The following ADGRB1 variants were observed in gnomAD, a reference collection of about 807,000 sequenced individuals.
The protein encoded by ADGRB1 is brain-specific angiogenesis inhibitor 1.
A neutral mutation model predicts 175.7 loss-of-function variants in ADGRB1; 36 were observed. The ratio of observed to expected loss-of-function variants is 0.20; its 90% CI spans 0.16 to 0.27. The LOEUF (loss-of-function observed/expected upper bound fraction) is 0.27. ADGRB1 is among the 10% of genes least tolerant of loss of function. The pLI is 1.00. For synonymous variants in ADGRB1, 1,054 were observed against 979.4 expected (o/e 1.08, Z -1.42); for missense variants, 1,731 against 2,255.3 (o/e 0.77, Z 4.71).
At chr8:142,486,532 G>A (rs940919709) in intron 13 of ADGRB1, among the ~76,000 whole-genome samples, 2 of 152,206 alleles carry the variant, frequency 1.3e-5, no homozygotes, top group African/African-American at 2.4e-5. Flanking sequence ...GACACAGTCC[G>A]AGGATATTTA....
At chr8:142,534,567 CAAG>C (rs991710126) in intron 25 of ADGRB1, among the ~76,000 whole-genome samples, 14 of 152,214 alleles carry the variant, frequency 9.2e-5, no homozygotes, top group African/African-American at 3.4e-4. Flanking sequence ...CGAGGAAAGA[CAAG>C]AGGAGGAAGA....
intron 22 of ADGRB1, among the ~76,000 whole-genome samples, chr8:142,523,254 CG>C (rs1563738877): frequency 6.6e-6 from 1 of 151,772 alleles, no homozygotes; most frequent in African/African-American, 2.4e-5. Flanking sequence ...TATGGTTCAC[CG>C]GGTAGGGAGA....
Position 142,520,884 on chromosome 8 carries a change from A to G in ADGRB1, c.2983A>G (p.Asn995Asp). Residue 995 changes from asparagine to aspartate, a missense_variant, in exon 20 of 31, where the codon AAT becomes GAT. Transcript: ENST00000517894. Reference sequence around the variant, plus strand: ...CTTCTGCCTGTCCATCATCTCCTCCAATGCCCTCATCCTCATCGGGCAGAC... The same window carrying G: ...CTTCTGCCTGTCCATCATCTCCTCCGATGCCCTCATCCTCATCGGGCAGAC... ...INFCLSIISSNALILIGQTQT... is the reference protein window; with the variant it reads ...INFCLSIISSDALILIGQTQT... 1.2e-6 allele frequency: 2 copies of G among 1,613,686 alleles called. No individual in the cohort carries two copies. Among genetic ancestry groups the G allele is most frequent in the Non-Finnish European group, 1.7e-6 (2 of 1,179,712 alleles).
At chr8:142,471,271 T>A (rs1587277091) in intron 2 of ADGRB1, among the ~76,000 whole-genome samples, 1 of 152,150 alleles carries the variant, frequency 6.6e-6, no homozygotes, top group East Asian at 1.9e-4. Context: ...GCCCTTCACC[T>A]CCTCCGCTCA....
intron 30 of ADGRB1, 127 bp from the exon 31 acceptor site, chr8:142,544,093 C>T (rs1483094153): frequency 2.0e-6 from 2 of 1,005,590 alleles, no homozygotes; most frequent in African/African-American, 1.6e-5. Flanking sequence ...CATCCTGTCC[C>T]CTGTCCCCTG....
rs965313930 is a variant in ADGRB1, at chr8:142,543,023, T to G, written c.4413+376T>G. On this transcript the variant is annotated intron_variant, in intron 28 of 30. Coordinates refer to ENST00000517894, the MANE Select transcript of ADGRB1 (RefSeq NM_001702.3). This position sits in a 1 kb window ranked among gnomAD's most constrained non-coding sequence, Gnocchi z 4.4. ...CAGTCAGCCTGTAGGATGTTGTTTT[T>G]GGGGGAGCCCGTCCCCACAGGATAT... is the stretch of plus-strand genomic sequence containing the variant. Among the ~76,000 whole-genome samples, 6 of 152,296 alleles carry G rather than the reference T, an allele frequency of 3.9e-5. No individual in the cohort carries two copies. Among genetic ancestry groups the G allele is most frequent in the Admixed American group, 2.0e-4 (3 of 15,310 alleles).
intron 1 of ADGRB1, among the ~76,000 whole-genome samples, chr8:142,452,930 C>G (rs534878084): frequency 6.8e-6 from 1 of 147,734 alleles, no homozygotes. Flanking sequence ...GGCGCCCGCA[C>G]CGCGCCCGCG....
At chr8:142,523,270 G>A (rs146506867) in intron 22 of ADGRB1, among the ~76,000 whole-genome samples, 2 of 152,300 alleles carry the variant, frequency 1.3e-5, no homozygotes, top group South Asian at 2.1e-4. Flanking sequence ...GGGAGAAAGG[G>A]TCTGGGGCTC....
intron 4 of ADGRB1, among the ~76,000 whole-genome samples, 166 bp downstream of exon 4, chr8:142,476,861 G>A (rs761901026): frequency 3.1e-4 from 47 of 152,208 alleles, no homozygotes; most frequent in Non-Finnish European, 5.6e-4. Context: ...AGGGGAACTG[G>A]TGTGAGGTGA....
rs72689051 is a variant in ADGRB1 at position 142,515,938 on chromosome 8, G to A, written c.2818-2200G>A. On this transcript the variant is annotated intron_variant, in intron 18 of 30. Coordinates refer to ENST00000517894, the MANE Select transcript of ADGRB1 (RefSeq NM_001702.3). ...AGCGTAGTTTGGACAACAGAGGTGA[G>A]CAGCGCTACCTGGGGTAGTTCGAGG... Among the ~76,000 whole-genome samples, 1,254 of 152,330 alleles carry A rather than the reference G, an allele frequency of 8.2e-3. 4 individuals carry two copies. The highest frequency in any genetic ancestry group is 0.012 in the Non-Finnish European group (831 of 68,030).
intron 1 of ADGRB1, among the ~76,000 whole-genome samples, chr8:142,462,013 G>C (rs1839995973): frequency 6.6e-6 from 1 of 152,114 alleles, no homozygotes; most frequent in South Asian, 2.1e-4. Flanking sequence ...GAGATGGTGA[G>C]GGGGCGCCCA....
At chr8:142,513,137 C>T (rs1843196038) in intron 18 of ADGRB1, among the ~76,000 whole-genome samples, 1 of 152,206 alleles carries the variant, frequency 6.6e-6, no homozygotes, top group Admixed American at 6.5e-5. Context: ...CCATCCCAGA[C>T]AGGACATTTG....
At chr8:142,513,416 C>G (rs142614933) in intron 18 of ADGRB1, among the ~76,000 whole-genome samples, 2 of 152,210 alleles carry the variant, frequency 1.3e-5, no homozygotes, top group African/African-American at 2.4e-5. Context: ...CCTGTCCTTT[C>G]CACACCACCT....
chr8:142,488,148 C>T (rs112018655), intron 13 of ADGRB1, among the ~76,000 whole-genome samples: 4 of 152,338 alleles, frequency 2.6e-5, no homozygotes, highest in African/African-American at 9.6e-5. Context: ...CAGCCTCTGC[C>T]TGGTGCTCCT....
chr8:142,532,913 C>T (rs776799755), intron 24 of ADGRB1, among the ~76,000 whole-genome samples: 2 of 152,150 alleles, frequency 1.3e-5, no homozygotes, highest in Non-Finnish European at 2.9e-5. Flanking sequence ...GCCCTTCCCC[C>T]TTGCCCAGCT....
At chr8:142,521,317 C>T (rs1843834738) in intron 20 of ADGRB1, among the ~76,000 whole-genome samples, 2 of 152,122 alleles carry the variant, frequency 1.3e-5, no homozygotes, top group South Asian at 2.1e-4. Context: ...CTCACCCCTA[C>T]GCTCGCCAGC....
rs768762387 is a variant in ADGRB1, at chr8:142,464,606, G to A, written c.408G>A (p.Leu136=). ...LCDPSAPLAF[L]QASKQFLQMR... Reference sequence around the variant, plus strand: ...ACCCCTCCGCACCCCTGGCCTTCCTGCAGGCCAGCAAGCAGTTCCTGCAGA... The same window carrying A: ...ACCCCTCCGCACCCCTGGCCTTCCTACAGGCCAGCAAGCAGTTCCTGCAGA... The change falls in exon 2 of 31, where the codon CTG becomes CTA. Residue 136 remains leucine (L), a synonymous_variant. Transcript: ENST00000517894. 4 of 1,524,442 alleles carry A rather than the reference G, an allele frequency of 2.6e-6. No homozygotes were observed. The highest frequency in any genetic ancestry group is 1.7e-4 in the Middle Eastern group (1 of 5,952). 94.4% of individuals were successfully genotyped at this position (1,524,442 alleles called of 1,614,324 possible). A position where few individuals can be genotyped will look rare whatever the true frequency, so the allele number is the denominator to read the frequency against.
rs746416923 is a variant in ADGRB1 at position 142,542,560 on chromosome 8, C to G, written c.4326C>G (p.Pro1442=). 26 of 1,528,354 alleles carry G rather than the reference C, an allele frequency of 1.7e-5. No homozygotes were observed. Among genetic ancestry groups the G allele is most frequent in the Non-Finnish European group, 2.3e-5 (26 of 1,138,208 alleles). The allele number at this position is 1,528,354 out of a possible 1,614,324, so 94.7% of individuals were successfully genotyped here. ...LEPAPPSLGD[P]GEPAAHPGPS... is the part of the protein sequence containing the mutation. ...CGGCACCCCCCAGCCTGGGGGATCC[C>G]GGGGAGCCTGCCGCCCATCCGGGAC... Residue 1442 remains proline, a synonymous_variant, in exon 28 of 31, where the codon CCC becomes CCG. Coordinates refer to ENST00000517894, the MANE Select transcript of ADGRB1 (RefSeq NM_001702.3). The surrounding 1 kb of genome is among the most constrained non-coding windows in gnomAD (Gnocchi z 6.3).
At chr8:142,482,707 G>A (rs1335882985) in intron 11 of ADGRB1, among the ~76,000 whole-genome samples, 5 of 148,488 alleles carry the variant, frequency 3.4e-5, no homozygotes, top group Admixed American at 1.3e-4. Flanking sequence ...CACACACTGA[G>A]CCCTGATCAT....
Sources: gnomAD v4.1 joint callset for allele counts (sites outside exome capture counted in the v4.1 genomes callset) on GRCh38, gnomAD v4.1.1 for gene constraint, Gnocchi (gnomAD v3.1) non-coding constraint, MANE v1.5 for transcripts, NCBI Gene and HGNC (gene_info 2026-07-23, HGNC 2026-07-21) for gene names.